EFL1: variants seen among roughly 807,000 people sequenced by gnomAD.
EFL1 encodes elongation factor like GTPase 1, also known as elongation factor-like GTPase 1.
A neutral mutation model predicts 126.7 loss-of-function variants in EFL1; 76 were observed. The observed-to-expected ratio is 0.60, with a 90% confidence interval of 0.50 to 0.73. EFL1 has a LOEUF of 0.73. Ranked by LOEUF, EFL1 falls within the 30% of genes least tolerant of loss-of-function variation. The pLI is 0.00. For synonymous variants in EFL1, 410 were observed against 448.4 expected, an observed-to-expected ratio of 0.91 and a Z score of 1.08; for missense variants, 1,128 against 1,343.2, an observed-to-expected ratio of 0.84 and a Z score of 2.50.
At chr15:82,133,423 C>T (rs1242352118) in intron 19 of EFL1, among the ~76,000 whole-genome samples, 1 of 152,152 alleles carries the variant, frequency 6.6e-6, no homozygotes, top group Non-Finnish European at 1.5e-5. Flanking sequence ...CTGCCCTTTG[C>T]CATGTTTGCA....
intron 7 of EFL1, among the ~76,000 whole-genome samples, chr15:82,236,576 C>A (rs2074874874): frequency 6.6e-6 from 1 of 152,114 alleles, no homozygotes; most frequent in Admixed American, 6.5e-5. Flanking sequence ...AATAGATAAC[C>A]TTTTCAACAA....
At chr15:82,225,553 G>T (rs1595994458) in intron 11 of EFL1, among the ~76,000 whole-genome samples, 1 of 152,188 alleles carries the variant, frequency 6.6e-6, no homozygotes, top group East Asian at 1.9e-4. Context: ...ATGCAATGAG[G>T]TTAACCACCT....
At chr15:82,231,008 A>G (rs2074816948) in intron 7 of EFL1, 37 bp from the exon 8 acceptor site, 1 of 1,600,806 alleles carries the variant, frequency 6.2e-7, no homozygotes, top group Non-Finnish European at 8.5e-7. Context: ...ATTAATAACA[A>G]CGATTATTGA....
At chr15:82,239,114 C>T (rs1464327198) in intron 6 of EFL1, among the ~76,000 whole-genome samples, 2 of 152,236 alleles carry the variant, frequency 1.3e-5, no homozygotes, top group East Asian at 3.9e-4. Flanking sequence ...CAATGCAGGG[C>T]AGGAGTTATT....
chr15:82,175,746 G>A (rs927369596), intron 15 of EFL1, among the ~76,000 whole-genome samples: 1 of 152,062 alleles, frequency 6.6e-6, no homozygotes, highest in Non-Finnish European at 1.5e-5. Flanking sequence ...CCAGCTACTC[G>A]GAAGGCTGAG....
intron 15 of EFL1, among the ~76,000 whole-genome samples, chr15:82,196,085 C>T (rs557875838): frequency 4.6e-5 from 7 of 152,146 alleles, no homozygotes; most frequent in South Asian, 2.1e-4. Context: ...GCATGAAAAT[C>T]GTGGTATATT....
At chr15:82,157,910 A>G in intron 16 of EFL1, 50 bp from the exon 17 acceptor site, 4 of 1,544,116 alleles carry the variant, frequency 2.6e-6, no homozygotes, top group Non-Finnish European at 2.6e-6. Flanking sequence ...AACTAACACA[A>G]TTCAAAGACA....
chr15:82,247,491 G>A (rs753200781), intron 4 of EFL1, among the ~76,000 whole-genome samples: 6 of 152,068 alleles, frequency 3.9e-5, no homozygotes, highest in Non-Finnish European at 7.4e-5. Context: ...GATGGTCTGA[G>A]TCTTGAAAGA....
intron 18 of EFL1, among the ~76,000 whole-genome samples, chr15:82,148,583 G>A (rs1189780455): frequency 1.2e-4 from 19 of 152,104 alleles, no homozygotes. Context: ...GAGGAGAATG[G>A]TGAACAAACT....
chr15:82,164,937 C>A (rs979568553), intron 15 of EFL1, among the ~76,000 whole-genome samples: 1 of 150,862 alleles, frequency 6.6e-6, no homozygotes, highest in African/African-American at 2.4e-5. Flanking sequence ...CATATTGAAT[C>A]TCACACCCAG....
chr15:82,131,147 T>C (rs868629854), intron 19 of EFL1, among the ~76,000 whole-genome samples: 4 of 152,244 alleles, frequency 2.6e-5, no homozygotes, highest in Admixed American at 6.5e-5. Context: ...GAAAGAAAAC[T>C]ATTAATTTTT....
At chr15:82,230,732 T>C (rs1057064059) in intron 8 of EFL1, 116 bp downstream of exon 8, 2 of 1,283,494 alleles carry the variant, frequency 1.6e-6, no homozygotes, top group African/African-American at 1.5e-5. Context: ...AAAAAATCCC[T>C]CATGAACTCA....
At position 82,228,250 on chromosome 15, in the gene EFL1, G is replaced by A; in HGVS notation, c.1010C>T (p.Pro337Leu). 1.2e-6 allele frequency: 2 copies of A among 1,614,082 alleles called. No individual in the cohort carries two copies. Among genetic ancestry groups the A allele is most frequent in the Non-Finnish European group, 1.7e-6 (2 of 1,179,964 alleles). The stretch of plus-strand genomic sequence containing the variant: ...GCAAATGGCGTTGATCTGAACTTTA[G>A]GGTCTGAATGTCGTGCCTCCCGGGC... ...IGAREARHSD[P>L]KVQINAICSQ... is the part of the protein sequence containing the mutation. The change falls in exon 10 of 20, where the codon CCT (proline) becomes CTT (leucine). Residue 337 changes from proline (P) to leucine (L), a missense_variant. Transcript: ENST00000268206.
chr15:82,157,799 C>G lies in EFL1; in HGVS notation c.1944G>C (p.Gln648His), dbSNP rs747197141. The G allele has an allele frequency of 4.0e-5, 64 of 1,613,976 alleles. 1 individual carries two copies. The South Asian group carries it at 6.8e-4, about 17-fold the overall frequency. The change falls in exon 17 of 20, where the codon CAG becomes CAC. Residue 648 changes from glutamine (Q) to histidine (H), a missense_variant. Physicochemically the swap from Gln to His is conservative, Grantham distance 24. Around this residue, in one of 6 missense-constraint regions of EFL1, gnomAD observed 561 missense variants for 641.7 expected, o/e 0.87. Transcript: ENST00000268206. ...KLLNQADPCV[Q>H]ILIQETGEHV... ...GCTCTCCCGTTTCCTGAATTAAAAT[C>G]TGGACACAGGGATCAGCCTGGTTTA... is the stretch of plus-strand genomic sequence containing the variant.
chr15:82,240,749 C>T (rs532679930), intron 5 of EFL1, among the ~76,000 whole-genome samples, 194 bp from the exon 6 acceptor site: 1 of 152,252 alleles, frequency 6.6e-6, no homozygotes, highest in African/African-American at 2.4e-5. Flanking sequence ...ATGCAACTGA[C>T]AGTTAAGAAG....
In EFL1 at chr15:82,135,790, G is replaced by A. The variant is rs538938720; in HGVS notation, c.3174+2868C>T. Among the ~76,000 whole-genome samples, 11 of 152,288 alleles carry A rather than the reference G, an allele frequency of 7.2e-5. No individual in the cohort carries two copies. The South Asian group carries it at 2.1e-3, about 29-fold the overall frequency. On this transcript the variant is annotated intron_variant, in intron 19 of 19. Transcript: ENST00000268206. ...CAAGATTCAGTTTGTGTCCTTAAAG[G>A]GAAGGAGTATATCTTATTCTTCCTC...
chr15:82,145,892 C>T (rs1214230976), intron 18 of EFL1, among the ~76,000 whole-genome samples: 1 of 139,804 alleles, frequency 7.2e-6, no homozygotes, highest in Non-Finnish European at 1.6e-5. Context: ...TACTGTCTAA[C>T]AAAAAGAAAT....
intron 9 of EFL1, 111 bp from the exon 10 acceptor site, chr15:82,228,438 A>T: frequency 7.3e-7 from 1 of 1,360,694 alleles, no homozygotes; most frequent in Non-Finnish European, 9.8e-7. Flanking sequence ...CTTTTTCAAA[A>T]AAAGCTAAAA....
chr15:82,140,795 T>C (rs1395766039), intron 18 of EFL1, among the ~76,000 whole-genome samples: 1 of 152,166 alleles, frequency 6.6e-6, no homozygotes, highest in Non-Finnish European at 1.5e-5. Flanking sequence ...AGAAACCTCA[T>C]AGTTACAGAA....
Sources: gnomAD v4.1 joint callset for allele counts (sites outside exome capture counted in the v4.1 genomes callset) on GRCh38, gnomAD v4.1.1 for gene constraint, gnomAD v4.1.1 regional missense constraint, MANE v1.5 for transcripts, NCBI Gene and HGNC (gene_info 2026-07-23, HGNC 2026-07-21) for gene names.